Variants in CSMD2 observed in about 807,000 individuals in gnomAD.
CSMD2 encodes CUB and Sushi multiple domains 2.
In CSMD2, 130 loss-of-function variants were observed where a neutral mutation model predicts 398.5. The ratio of observed to expected loss-of-function variants is 0.33; its 90% CI spans 0.28 to 0.38. The LOEUF (loss-of-function observed/expected upper bound fraction) is 0.38. Among genes scored for constraint, CSMD2 ranks in the 10% least tolerant of loss-of-function variants. The pLI, the probability that CSMD2 is intolerant of heterozygous loss-of-function variation, is 1.00. For synonymous variants in CSMD2, 1,828 were observed against 1,908.5 expected (o/e 0.96, Z 1.10); for missense variants, 3,829 against 4,764.9 (o/e 0.80, Z 5.78).
chr1:33,671,991 T>G (rs1454035297), intron 25 of CSMD2, among the ~76,000 whole-genome samples: 1 of 129,064 alleles, frequency 7.7e-6, no homozygotes, highest in Non-Finnish European at 1.7e-5. Flanking sequence ...TGGAAAGACA[T>G]GCAAAGGGGG....
chr1:34,157,466 C>G (rs866895823), intron 1 of CSMD2, among the ~76,000 whole-genome samples: 2 of 152,108 alleles, frequency 1.3e-5, no homozygotes, highest in Middle Eastern at 3.4e-3. Context: ...AAATCTGACT[C>G]ACCTCTATCT....
Position 33,611,184 on chromosome 1 carries a change from C to T in CSMD2, c.6200G>A (p.Gly2067Asp), listed in dbSNP as rs762944548. 1.9e-6 allele frequency: 3 copies of T among 1,614,080 alleles called. No individual in the cohort carries two copies. The highest frequency in any genetic ancestry group is 1.6e-4 in the Middle Eastern group (1 of 6,062). Reference sequence around the variant, plus strand: ...CATCATGCGGCTGGTCTCATAGGGGCCATTCCGGATTTCTATGTAGTCGTG... The same window carrying T: ...CATCATGCGGCTGGTCTCATAGGGGTCATTCCGGATTTCTATGTAGTCGTG... Reference protein sequence around the residue: ...PNHDYIEIRNGPYETSRMMGR... With the variant: ...PNHDYIEIRNDPYETSRMMGR... The change falls in exon 41 of 71, where the codon GGC (glycine) becomes GAC (aspartate). Residue 2067 changes from glycine to aspartate, a missense_variant. By Grantham distance (94) the Gly-to-Asp change is moderately conservative (BLOSUM62 -1). This residue lies in a region of CSMD2 where 2,001 missense variants were observed against 2,567.1 expected (regional missense o/e 0.78). Coordinates refer to ENST00000373381, the MANE Select transcript of CSMD2 (RefSeq NM_001281956.2).
At chr1:33,791,786 C>A (rs555275606) in intron 11 of CSMD2, among the ~76,000 whole-genome samples, 16 of 152,294 alleles carry the variant, frequency 1.1e-4, no homozygotes, top group Admixed American at 6.5e-5. Flanking sequence ...CCACGCTTGG[C>A]CTTTTTCCTG....
intron 3 of CSMD2, among the ~76,000 whole-genome samples, chr1:33,937,268 G>A (rs1466946956): frequency 6.6e-6 from 1 of 152,170 alleles, no homozygotes; most frequent in Non-Finnish European, 1.5e-5. Flanking sequence ...AACAGGTAGG[G>A]AACCAAACCC....
At chr1:33,606,481 C>T (rs943764449) in intron 41 of CSMD2, among the ~76,000 whole-genome samples, 3 of 152,196 alleles carry the variant, frequency 2.0e-5, no homozygotes, top group South Asian at 4.1e-4. Context: ...GGGCAGGTTT[C>T]CCTGGGAAAT....
intron 10 of CSMD2, chr1:33,804,893 T>C (rs891734744): frequency 1.4e-6 from 1 of 717,370 alleles, no homozygotes; most frequent in Admixed American, 2.0e-5. Flanking sequence ...CTGGGTCTCC[T>C]CCCGCCTGGA....
At position 33,590,595 on chromosome 1, in the gene CSMD2, TCACA is replaced by T. The variant is rs10611040; in HGVS notation, c.6857-3431_6857-3428del. Reference sequence around the variant, plus strand: ...ACAGACACGCCCTCCCTATTTCCCATCACACACACACACACACACACACACACAC... The same window carrying T: ...ACAGACACGCCCTCCCTATTTCCCATCACACACACACACACACACACACAC... On this transcript the variant is annotated intron_variant, in intron 44 of 70. Coordinates refer to ENST00000373381, the MANE Select transcript of CSMD2 (RefSeq NM_001281956.2). Among the ~76,000 whole-genome samples the T allele has an allele frequency of 5.3e-3, 729 of 137,716 alleles. 4 individuals are homozygous for T. The highest frequency in any genetic ancestry group is 0.011 in the Middle Eastern group (3 of 266). The allele number at this position is 137,716 out of a possible 152,430, so 90.3% of individuals were successfully genotyped here. A position where few individuals can be genotyped will look rare whatever the true frequency, so the allele number is the denominator to read the frequency against.
intron 47 of CSMD2, among the ~76,000 whole-genome samples, chr1:33,581,515 GA>G (rs1377378129): frequency 3.0e-5 from 2 of 65,586 alleles, no homozygotes; most frequent in Admixed American, 5.2e-4. Flanking sequence ...GGGTGACAGA[GA>G]AAGACTCAGT....
intron 25 of CSMD2, among the ~76,000 whole-genome samples, chr1:33,672,355 C>T (rs547509668): frequency 9.9e-5 from 15 of 152,274 alleles, no homozygotes; most frequent in Non-Finnish European, 1.6e-4. Context: ...CCTACGCCCA[C>T]GGAGCCTTGC....
Position 33,567,687 on chromosome 1 carries a change from C to T in CSMD2, c.8286G>A (p.Val2762=). 5 of 1,614,166 alleles carry T rather than the reference C, an allele frequency of 3.1e-6. No homozygotes were observed. Among genetic ancestry groups the T allele is most frequent in the African/African-American group, 1.3e-5 (1 of 75,038 alleles). Residue 2762 remains valine (V), a synonymous_variant, in exon 53 of 71, where the codon GTG becomes GTA. Transcript: ENST00000373381. The part of the protein sequence containing the change: ...GENYSYRGSV[V]YQCNAGFRLI... ...GGCGGAAGCCAGCATTGCATTGGTA[C>T]ACCACACTGCCCCGGTAGCTGTAGT... is the stretch of plus-strand genomic sequence containing the variant.
chr1:34,022,265 T>A (rs1648999822), intron 3 of CSMD2, among the ~76,000 whole-genome samples: 1 of 152,196 alleles, frequency 6.6e-6, no homozygotes, highest in African/African-American at 2.4e-5. Context: ...GAGCACTTGA[T>A]GTGTTACCCC....
intron 48 of CSMD2, 76 bp downstream of exon 48, chr1:33,580,677 C>T (rs954740377): frequency 1.2e-5 from 19 of 1,535,960 alleles, no homozygotes; most frequent in South Asian, 7.4e-5. Context: ...GGGGAATGGC[C>T]GCCCGGTCTC....
chr1:34,013,982 T>C (rs1647727428), intron 3 of CSMD2, among the ~76,000 whole-genome samples: 1 of 152,184 alleles, frequency 6.6e-6, no homozygotes, highest in Non-Finnish European at 1.5e-5. Flanking sequence ...GCTCTTCCTA[T>C]GGGCTTTGCC....
At chr1:33,888,898 G>C (rs944059418) in intron 5 of CSMD2, among the ~76,000 whole-genome samples, 1 of 152,076 alleles carries the variant, frequency 6.6e-6, no homozygotes, top group Non-Finnish European at 1.5e-5. Context: ...CTCCCTAGTA[G>C]CTGGGACTAT....
At chr1:34,011,356 C>T (rs1647299486) in intron 3 of CSMD2, among the ~76,000 whole-genome samples, 1 of 152,142 alleles carries the variant, frequency 6.6e-6, no homozygotes, top group South Asian at 2.1e-4. Context: ...GTCCGGAAAT[C>T]AGTTTGGTAA....
chr1:34,033,400 G>A lies in CSMD2; in HGVS notation c.405-694C>T, dbSNP rs186420802. Reference sequence around the variant, plus strand: ...AATTTAACTGAATAAAAGGAAACAGGTGTGAAGCTAAAGGAATTGTTGAAC... The same window carrying A: ...AATTTAACTGAATAAAAGGAAACAGATGTGAAGCTAAAGGAATTGTTGAAC... On this transcript the variant is annotated intron_variant, in intron 2 of 70. Coordinates refer to ENST00000373381, the MANE Select transcript of CSMD2 (RefSeq NM_001281956.2). Among the ~76,000 whole-genome samples the A allele has an allele frequency of 2.2e-3, 337 of 152,324 alleles. 1 individual carries two copies. Among genetic ancestry groups the A allele is most frequent in the Middle Eastern group, 0.01 (3 of 294 alleles).
intron 10 of CSMD2, among the ~76,000 whole-genome samples, chr1:33,798,963 G>A (rs201396952): frequency 5.9e-5 from 9 of 152,204 alleles, no homozygotes; most frequent in East Asian, 1.9e-4. Flanking sequence ...CTAGAGTCCC[G>A]GGAGATGTAG....
Position 33,607,754 on chromosome 1 carries a change from C to T in CSMD2, c.6344-2284G>A, listed in dbSNP as rs151049352. On this transcript the variant is annotated intron_variant, in intron 41 of 70. Transcript: ENST00000373381. ...CTTGGGACTGTGGCAGACAGGTGAA[C>T]GCTGAGGGAGTGGCTGTGCCTGGGA... Among the ~76,000 whole-genome samples the T allele has an allele frequency of 6.6e-5, 10 of 152,280 alleles. No individual in the cohort carries two copies. The East Asian group carries it at 1.9e-3, about 29-fold the overall frequency.
At chr1:34,145,563 C>G (rs192874446) in intron 1 of CSMD2, among the ~76,000 whole-genome samples, 1 of 152,318 alleles carries the variant, frequency 6.6e-6, no homozygotes, top group East Asian at 1.9e-4. Context: ...CCTGAAAACA[C>G]AGAAATAGAA....
Sources: gnomAD v4.1 joint callset for allele counts (sites outside exome capture counted in the v4.1 genomes callset) on GRCh38, gnomAD v4.1.1 for gene constraint, gnomAD v4.1.1 regional missense constraint, MANE v1.5 for transcripts, NCBI Gene and HGNC (gene_info 2026-07-23, HGNC 2026-07-21) for gene names.